Variants in SUCLG2 observed in about 807,000 individuals in gnomAD.
The protein encoded by SUCLG2 is succinate--CoA ligase [GDP-forming] subunit beta, mitochondrial.
SUCLG2 carries 42 observed loss-of-function variants against 47.9 expected under a neutral mutation model. The ratio of observed to expected loss-of-function variants is 0.88; its 90% CI spans 0.69 to 1.14. SUCLG2 has a LOEUF of 1.14. SUCLG2 is among the 50% of genes most tolerant of loss of function. The pLI is 0.00. For missense variants in SUCLG2, 571 were observed against 525.9 expected (o/e 1.09, Z -0.84); for synonymous variants, 195 against 197.3 (o/e 0.99, Z 0.10).
intron 2 of SUCLG2, among the ~76,000 whole-genome samples, chr3:67,585,489 A>G (rs1007704750): frequency 6.6e-6 from 1 of 152,220 alleles, no homozygotes; most frequent in Non-Finnish European, 1.5e-5. Context: ...AAGTATTATG[A>G]TGCTTAGAGA....
At chr3:67,555,380 A>G (rs1707131447) in intron 2 of SUCLG2, among the ~76,000 whole-genome samples, 1 of 152,210 alleles carries the variant, frequency 6.6e-6, no homozygotes, top group Non-Finnish European at 1.5e-5. Context: ...TTACATATAC[A>G]TATATGTGTG....
At chr3:67,649,895 T>A (rs183252640) in intron 1 of SUCLG2, among the ~76,000 whole-genome samples, 3 of 152,220 alleles carry the variant, frequency 2.0e-5, no homozygotes, top group Non-Finnish European at 1.5e-5. Flanking sequence ...TTTCAGTGAC[T>A]TTCTGGGCTT....
intron 2 of SUCLG2, among the ~76,000 whole-genome samples, chr3:67,574,106 G>A (rs1016523272): frequency 3.9e-5 from 6 of 152,126 alleles, no homozygotes; most frequent in African/African-American, 1.4e-4. Context: ...AGTAACCACA[G>A]GTCAAGCCCC....
intron 10 of SUCLG2, among the ~76,000 whole-genome samples, chr3:67,394,146 C>T (rs1229026575): frequency 6.6e-6 from 1 of 152,150 alleles, no homozygotes; most frequent in South Asian, 2.1e-4. Context: ...CAGTTCCTCA[C>T]CAGCAACAGA....
In SUCLG2 at chr3:67,540,974, G is replaced by C. The variant is rs142886728; in HGVS notation, c.227-11788C>G. Among the ~76,000 whole-genome samples the C allele has an allele frequency of 9.2e-3, 1,398 of 152,292 alleles. 17 individuals carry two copies. The highest frequency in any genetic ancestry group is 0.02 in the Middle Eastern group (6 of 294). ...CTGTAGCAGAGGGGACTGACTGTTAGAAGAAAAACTAACAAACAGAAAGGA... is the reference window on the plus strand; with the variant it reads ...CTGTAGCAGAGGGGACTGACTGTTACAAGAAAAACTAACAAACAGAAAGGA... On this transcript the variant is annotated intron_variant, in intron 2 of 10. Transcript: ENST00000307227.
At chr3:67,361,066 T>G (rs911018196) in intron 10 of SUCLG2, among the ~76,000 whole-genome samples, 1 of 152,140 alleles carries the variant, frequency 6.6e-6, no homozygotes, top group African/African-American at 2.4e-5. Flanking sequence ...GCACAAAATT[T>G]TCTTATAAAA....
At chr3:67,642,918 CTGTGTGTGTGTGTG>C (rs3221813) in intron 1 of SUCLG2, among the ~76,000 whole-genome samples, 1 of 146,512 alleles carries the variant, frequency 6.8e-6, no homozygotes, top group Non-Finnish European at 1.5e-5. Flanking sequence ...GAAAAGGACT[CTGTGTGTGTGTGTG>C]TGTGTGTGTG....
intron 2 of SUCLG2, among the ~76,000 whole-genome samples, chr3:67,572,391 T>C (rs1286698127): frequency 6.6e-6 from 1 of 152,050 alleles, no homozygotes; most frequent in Admixed American, 6.6e-5. Context: ...GAGGAACAAA[T>C]ACAAGAAGGA....
chr3:67,418,717 C>G (rs1703088204), intron 9 of SUCLG2, among the ~76,000 whole-genome samples: 1 of 152,290 alleles, frequency 6.6e-6, no homozygotes, highest in East Asian at 1.9e-4. Context: ...AGTGAGCCAT[C>G]CTGCCTGCTG....
chr3:67,494,897 G>A (rs945309628), intron 9 of SUCLG2, among the ~76,000 whole-genome samples: 7 of 152,180 alleles, frequency 4.6e-5, no homozygotes, highest in South Asian at 4.1e-4. Flanking sequence ...CCTAGCATGG[G>A]TGTGGTAGCT....
At chr3:67,503,303 CA>C (rs1440835566) in intron 7 of SUCLG2, among the ~76,000 whole-genome samples, 1 of 151,882 alleles carries the variant, frequency 6.6e-6, no homozygotes. Flanking sequence ...AAGTGCATTC[CA>C]TTAACATGAA....
At chr3:67,555,186 T>C (rs190866384) in intron 2 of SUCLG2, among the ~76,000 whole-genome samples, 1 of 152,212 alleles carries the variant, frequency 6.6e-6, no homozygotes, top group Non-Finnish European at 1.5e-5. Context: ...TATGGAAAGG[T>C]AGGAGGCTAG....
rs181039287 is a variant in SUCLG2 at position 67,541,209 on chromosome 3, G to T, written c.227-12023C>A. Reference sequence around the variant, plus strand: ...AAAAAACTGGATGAAGAATGAGTTTGATGAATTGACAGAAGTAGGTTTCAG... The same window carrying T: ...AAAAAACTGGATGAAGAATGAGTTTTATGAATTGACAGAAGTAGGTTTCAG... On this transcript the variant is annotated intron_variant, in intron 2 of 10. Transcript: ENST00000307227. Among the ~76,000 whole-genome samples the T allele has an allele frequency of 3.5e-3, 534 of 152,288 alleles. 2 individuals carry two copies. The highest frequency in any genetic ancestry group is 0.012 in the African/African-American group (510 of 41,568).
At position 67,514,034 on chromosome 3, in the gene SUCLG2, C is replaced by T. The variant is rs80155649; in HGVS notation, c.660+4213G>A. The T allele has an allele frequency of 4.7e-3, 1,678 of 354,560 alleles. 29 individuals are homozygous for T. Among genetic ancestry groups the T allele is most frequent in the African/African-American group, 0.033 (1,527 of 46,578 alleles). The allele number at this position is 354,560 out of a possible 1,614,324, so 22.0% of individuals were successfully genotyped here. A position where few individuals can be genotyped will look rare whatever the true frequency, so the allele number is the denominator to read the frequency against. ...GACATATCCCTGGAAACCCAGCAGG[C>T]GCAAGCCGAGCGGTTGGCCATAAGA... On this transcript the variant is annotated intron_variant, in intron 6 of 10. Coordinates refer to ENST00000307227, the MANE Select transcript of SUCLG2 (RefSeq NM_003848.4).
chr3:67,526,045 C>CA (rs1218729976), intron 4 of SUCLG2, among the ~76,000 whole-genome samples: 1 of 152,318 alleles, frequency 6.6e-6, no homozygotes, highest in East Asian at 1.9e-4. Context: ...TATTGTTTCA[C>CA]AGTTCTGGAG....
chr3:67,614,487 T>G (rs368651317), intron 1 of SUCLG2, among the ~76,000 whole-genome samples: 40 of 151,884 alleles, frequency 2.6e-4, no homozygotes, highest in African/African-American at 9.2e-4. Flanking sequence ...CACGGAAGAT[T>G]CCTGCTGTTG....
intron 1 of SUCLG2, among the ~76,000 whole-genome samples, chr3:67,629,769 C>T (rs149869202): frequency 2.6e-5 from 4 of 152,212 alleles, no homozygotes; most frequent in African/African-American, 9.6e-5. Context: ...CATAAAAACC[C>T]AGGTATGGCT....
chr3:67,643,840 C>A (rs948970960), intron 1 of SUCLG2, among the ~76,000 whole-genome samples: 1 of 152,200 alleles, frequency 6.6e-6, no homozygotes, highest in Non-Finnish European at 1.5e-5. Context: ...TCATACCTGG[C>A]TAATTTTTGT....
chr3:67,468,222 G>C (rs1285820835), intron 9 of SUCLG2, among the ~76,000 whole-genome samples: 1 of 152,154 alleles, frequency 6.6e-6, no homozygotes, highest in African/African-American at 2.4e-5. Context: ...AAAATTATCA[G>C]CACCTATTAG....
Sources: gnomAD v4.1 joint callset for allele counts (sites outside exome capture counted in the v4.1 genomes callset) on GRCh38, gnomAD v4.1.1 for gene constraint, MANE v1.5 for transcripts, NCBI Gene and HGNC (gene_info 2026-07-23, HGNC 2026-07-21) for gene names.